The following TFAP2D variants were observed in gnomAD, a reference collection of about 807,000 sequenced individuals.
The protein encoded by TFAP2D is transcription factor AP-2-delta.
TFAP2D carries 9 observed loss-of-function variants against 43.6 expected under a neutral mutation model. The ratio of observed to expected loss-of-function variants is 0.21; its 90% CI spans 0.12 to 0.36. TFAP2D has a LOEUF of 0.36. Ranked by LOEUF, TFAP2D falls within the 10% of genes least tolerant of loss-of-function variation. The probability of loss-of-function intolerance (pLI) is 1.00; values close to 1 mark genes in which losing one functional copy is unlikely to be tolerated. For synonymous variants in TFAP2D, 256 were observed against 224.9 expected, an observed-to-expected ratio of 1.14 and a Z score of -1.24; for missense variants, 513 against 561.4, an observed-to-expected ratio of 0.91 and a Z score of 0.87.
intron 7 of TFAP2D, among the ~76,000 whole-genome samples, chr6:50,763,794 G>T (rs1342110159): frequency 6.6e-6 from 1 of 152,006 alleles, no homozygotes; most frequent in Non-Finnish European, 1.5e-5. Flanking sequence ...TGAAACTCTG[G>T]GGAAACGTGA....
At chr6:50,723,412 G>C (rs1338228428) in intron 3 of TFAP2D, among the ~76,000 whole-genome samples, 1 of 152,216 alleles carries the variant, frequency 6.6e-6, no homozygotes, top group African/African-American at 2.4e-5. Flanking sequence ...TCCTGAAGGA[G>C]TACAATTGGA....
Position 50,715,342 on chromosome 6 carries a change from C to T in TFAP2D, c.266C>T (p.Ala89Val), listed in dbSNP as rs766874323. 6.2e-7 allele frequency: 1 copy of T among 1,614,142 alleles called. No individual in the cohort carries two copies. The highest frequency in any genetic ancestry group is 8.5e-7 in the Non-Finnish European group (1 of 1,180,042). ...AGCCACCCGGCCGTCACCCCCGACG[C>T]CTACTCTCTGAACTCTCTCCACCAC... ...QHSHPAVTPD[A>V]YSLNSLHHSQ... Residue 89 changes from alanine to valine, a missense_variant, in exon 2 of 8, where the codon GCC (alanine) becomes GTC (valine). Around this residue, in one of 3 missense-constraint regions of TFAP2D, gnomAD observed 311 missense variants for 316.2 expected, o/e 0.98. Transcript: ENST00000008391.
At chr6:50,757,599 A>G (rs1769296356) in intron 7 of TFAP2D, among the ~76,000 whole-genome samples, 1 of 72,304 alleles carries the variant, frequency 1.4e-5, no homozygotes, top group Non-Finnish European at 2.4e-5. Context: ...CTATATATAT[A>G]GAATATATAT....
chr6:50,734,667 A>G (rs925998752), intron 5 of TFAP2D, among the ~76,000 whole-genome samples: 2 of 152,096 alleles, frequency 1.3e-5, no homozygotes, highest in African/African-American at 4.8e-5. Context: ...CCCAGTTACT[A>G]CTATTCTCAT....
At chr6:50,755,371 G>T (rs1443239917) in intron 7 of TFAP2D, among the ~76,000 whole-genome samples, 1 of 150,448 alleles carries the variant, frequency 6.6e-6, no homozygotes, top group African/African-American at 2.4e-5. Flanking sequence ...AATATACTCT[G>T]CTCTTTACAA....
At chr6:50,728,808 A>G in intron 3 of TFAP2D, 48 bp from the exon 4 acceptor site, 11 of 1,392,986 alleles carry the variant, frequency 7.9e-6, no homozygotes, top group Non-Finnish European at 1.1e-5. Context: ...TCATGCAGTT[A>G]GCTTCTTTCA....
rs34213110 is a variant in TFAP2D at position 50,733,986 on chromosome 6, ATGTG to A, written c.883+4704_883+4707del. Reference sequence around the variant, plus strand: ...TCTCTCTCTGTCTCTCTTTCTGTGTATGTGTGTGTGTGTGTGTGTGTGTGTGTGT... The same window carrying A: ...TCTCTCTCTGTCTCTCTTTCTGTGTATGTGTGTGTGTGTGTGTGTGTGTGT... On this transcript the variant is annotated intron_variant, in intron 5 of 7. Coordinates refer to ENST00000008391, the MANE Select transcript of TFAP2D (RefSeq NM_172238.4). Among the ~76,000 whole-genome samples the A allele has an allele frequency of 4.1e-3, 580 of 141,616 alleles. 1 individual carries two copies. Among genetic ancestry groups the A allele is most frequent in the Middle Eastern group, 0.021 (6 of 284 alleles). The allele number at this position is 141,616 out of a possible 152,430, so 92.9% of individuals were successfully genotyped here.
intron 1 of TFAP2D, 104 bp downstream of exon 1, chr6:50,714,198 T>G (rs1032076846): frequency 3.8e-5 from 45 of 1,186,956 alleles, no homozygotes; most frequent in Non-Finnish European, 4.9e-5. Flanking sequence ...CTGTCTCTAA[T>G]CTATATTGGA....
intron 7 of TFAP2D, among the ~76,000 whole-genome samples, chr6:50,757,486 T>TAGAATAC (rs1769292410): frequency 2.0e-5 from 2 of 100,854 alleles, no homozygotes; most frequent in African/African-American, 7.7e-5. Flanking sequence ...ATTCTATATA[T>TAGAATAC]ATATAATATA....
chr6:50,767,323 C>T (rs902626461), intron 7 of TFAP2D, among the ~76,000 whole-genome samples: 1 of 152,100 alleles, frequency 6.6e-6, no homozygotes, highest in Non-Finnish European at 1.5e-5. Context: ...GTAGGCTTGT[C>T]ATATATGGTC....
chr6:50,724,785 C>A (rs1275238794), intron 3 of TFAP2D, among the ~76,000 whole-genome samples: 1 of 151,724 alleles, frequency 6.6e-6, no homozygotes, highest in East Asian at 1.9e-4. Context: ...TGTGTGTCGG[C>A]GGGGGGACCT....
chr6:50,724,961 CTTCA>C (rs977441356), intron 3 of TFAP2D, among the ~76,000 whole-genome samples: 3 of 151,880 alleles, frequency 2.0e-5, no homozygotes, highest in Non-Finnish European at 2.9e-5. Flanking sequence ...GTGTGAGCAT[CTTCA>C]TTGTTTAGAT....
chr6:50,744,868 C>G (rs762153794), intron 5 of TFAP2D, among the ~76,000 whole-genome samples: 1 of 151,926 alleles, frequency 6.6e-6, no homozygotes, highest in African/African-American at 2.4e-5. Context: ...CTGTTTTTTT[C>G]CCCTCAATTT....
intron 3 of TFAP2D, among the ~76,000 whole-genome samples, chr6:50,724,561 C>T (rs558616526): frequency 4.1e-4 from 63 of 152,108 alleles, no homozygotes; most frequent in Non-Finnish European, 6.5e-4. Flanking sequence ...CTCGCCACAG[C>T]TGGGTGCGTT....
chr6:50,747,879 A>G (rs1460049736), intron 6 of TFAP2D, among the ~76,000 whole-genome samples: 1 of 151,976 alleles, frequency 6.6e-6, no homozygotes, highest in Admixed American at 6.6e-5. Flanking sequence ...TGATATTTTG[A>G]ACTTTGATTT....
At chr6:50,764,837 T>C (rs913796973) in intron 7 of TFAP2D, among the ~76,000 whole-genome samples, 2 of 152,194 alleles carry the variant, frequency 1.3e-5, no homozygotes, top group South Asian at 4.1e-4. Context: ...CAGGATATGA[T>C]GATTTGATAT....
chr6:50,721,942 G>A (rs1768730886), intron 3 of TFAP2D, among the ~76,000 whole-genome samples: 1 of 152,218 alleles, frequency 6.6e-6, no homozygotes, highest in Admixed American at 6.5e-5. Flanking sequence ...GAGTTAATCA[G>A]GGACATTGTC....
intron 7 of TFAP2D, among the ~76,000 whole-genome samples, chr6:50,757,545 AATACAT>A (rs1211097993): frequency 1.3e-5 from 1 of 79,534 alleles, no homozygotes; most frequent in Non-Finnish European, 2.2e-5. Context: ...ATATATATAG[AATACAT>A]ATAATTATTC....
chr6:50,743,904 A>G (rs549367394), intron 5 of TFAP2D, among the ~76,000 whole-genome samples: 1 of 152,276 alleles, frequency 6.6e-6, no homozygotes, highest in African/African-American at 2.4e-5. Flanking sequence ...TGTTGCTACT[A>G]TTATTGTTAT....
Sources: gnomAD v4.1 joint callset for allele counts (sites outside exome capture counted in the v4.1 genomes callset) on GRCh38, gnomAD v4.1.1 for gene constraint, gnomAD v4.1.1 regional missense constraint, MANE v1.5 for transcripts, NCBI Gene and HGNC (gene_info 2026-07-23, HGNC 2026-07-21) for gene names.